The following GRM5 variants were observed in gnomAD, a reference collection of about 807,000 sequenced individuals.
GRM5 encodes the protein glutamate metabotropic receptor 5, also known as metabotropic glutamate receptor 5.
GRM5 carries 19 observed loss-of-function variants against 83.1 expected under a neutral mutation model. That is an observed-to-expected ratio of 0.23 (90% CI 0.16 to 0.34). GRM5 has a LOEUF of 0.34. Among genes scored for constraint, GRM5 ranks in the 10% least tolerant of loss-of-function variants. GRM5 has a pLI of 1.00. For missense variants in GRM5, 1,160 were observed against 1,588.3 expected (o/e 0.73, Z 4.58); for synonymous variants, 675 against 633.6 (o/e 1.07, Z -0.98).
intron 3 of GRM5, among the ~76,000 whole-genome samples, chr11:88,826,011 A>G (rs190468081): frequency 6.6e-6 from 1 of 152,268 alleles, no homozygotes; most frequent in Non-Finnish European, 1.5e-5. Flanking sequence ...ATTTTTATAT[A>G]AAAGAAAATG....
chr11:88,966,139 T>C (rs765127356), intron 2 of GRM5, among the ~76,000 whole-genome samples: 1 of 152,074 alleles, frequency 6.6e-6, no homozygotes, highest in African/African-American at 2.4e-5. Context: ...AACACATTTC[T>C]AAGTAACACA....
intron 2 of GRM5, among the ~76,000 whole-genome samples, chr11:89,039,822 A>C (rs1941486001): frequency 6.6e-6 from 1 of 152,078 alleles, no homozygotes; most frequent in Non-Finnish European, 1.5e-5. Context: ...GTTGCATTTG[A>C]TATTGGTCTT....
intron 2 of GRM5, among the ~76,000 whole-genome samples, chr11:89,034,373 G>A (rs1027492209): frequency 4.0e-5 from 6 of 151,732 alleles, no homozygotes; most frequent in East Asian, 1.9e-4. Context: ...ACAAAAACAC[G>A]ACACAATTTT....
intron 4 of GRM5, among the ~76,000 whole-genome samples, chr11:88,627,507 T>C (rs916664137): frequency 1.3e-5 from 2 of 152,190 alleles, no homozygotes; most frequent in East Asian, 3.8e-4. Context: ...TACCACTGCA[T>C]GTCATTAAGA....
intron 3 of GRM5, among the ~76,000 whole-genome samples, chr11:88,720,910 G>T (rs890823518): frequency 1.3e-5 from 2 of 151,122 alleles, no homozygotes; most frequent in Non-Finnish European, 2.9e-5. Context: ...AATCCAGTAA[G>T]GTTCACAATA....
chr11:88,945,037 C>T (rs1263365063), intron 2 of GRM5, among the ~76,000 whole-genome samples: 2 of 151,490 alleles, frequency 1.3e-5, no homozygotes, highest in Non-Finnish European at 3.0e-5. Flanking sequence ...AATCACTGTA[C>T]AAAAATCAGG....
At chr11:88,870,462 G>C (rs1944745288) in intron 2 of GRM5, among the ~76,000 whole-genome samples, 2 of 148,880 alleles carry the variant, frequency 1.3e-5, no homozygotes, top group South Asian at 4.2e-4. Flanking sequence ...AACTTTAATA[G>C]GTCACAGACA....
intron 3 of GRM5, among the ~76,000 whole-genome samples, chr11:88,847,421 ATTT>A (rs1259992324): frequency 6.6e-6 from 1 of 152,236 alleles, no homozygotes; most frequent in Non-Finnish European, 1.5e-5. Context: ...GGCACAAAGT[ATTT>A]GATAAATGGT....
chr11:88,943,925 TTC>T (rs1938193170), intron 2 of GRM5, among the ~76,000 whole-genome samples: 1 of 152,018 alleles, frequency 6.6e-6, no homozygotes, highest in Non-Finnish European at 1.5e-5. Context: ...TCAGTTTTGT[TTC>T]TCTTTTCTGA....
intron 3 of GRM5, among the ~76,000 whole-genome samples, chr11:88,824,383 G>A (rs1438195300): frequency 6.6e-6 from 1 of 152,072 alleles, no homozygotes; most frequent in East Asian, 1.9e-4. Context: ...ATCGCTATAT[G>A]AATTGCTCTC....
intron 3 of GRM5, among the ~76,000 whole-genome samples, chr11:88,690,489 A>G (rs1289182919): frequency 6.6e-6 from 1 of 152,030 alleles, no homozygotes; most frequent in African/African-American, 2.4e-5. Flanking sequence ...TTATTTTTTA[A>G]AAAAAAATGA....
chr11:88,775,180 C>A (rs946987557), intron 3 of GRM5, among the ~76,000 whole-genome samples: 4 of 151,994 alleles, frequency 2.6e-5, no homozygotes, highest in African/African-American at 4.8e-5. Flanking sequence ...AGCGTGTATG[C>A]GTCCAGGAAT....
At chr11:88,751,129 T>C (rs74739885) in intron 3 of GRM5, among the ~76,000 whole-genome samples, 1 of 76,998 alleles carries the variant, frequency 1.3e-5, no homozygotes, top group East Asian at 3.4e-4. Flanking sequence ...ATAAAGGAAA[T>C]AGAGACATGC....
chr11:88,713,003 G>A (rs1941315287), intron 3 of GRM5, among the ~76,000 whole-genome samples: 1 of 151,908 alleles, frequency 6.6e-6, no homozygotes. Context: ...AGTGTAGGTA[G>A]GCTCCAGTTT....
chr11:88,778,028 G>A (rs1371999515), intron 3 of GRM5, among the ~76,000 whole-genome samples: 3 of 95,788 alleles, frequency 3.1e-5, no homozygotes, highest in Non-Finnish European at 9.5e-5. Flanking sequence ...GAAATTGTCT[G>A]CTGCCTTTTG....
At chr11:88,581,863 T>C (rs1483595958) in intron 7 of GRM5, among the ~76,000 whole-genome samples, 1 of 152,228 alleles carries the variant, frequency 6.6e-6, no homozygotes, top group Non-Finnish European at 1.5e-5. Flanking sequence ...ATATGACATG[T>C]ATCATTCCTT....
intron 1 of GRM5, among the ~76,000 whole-genome samples, chr11:89,061,347 C>A (rs1014306270): frequency 1.3e-5 from 2 of 152,022 alleles, no homozygotes; most frequent in African/African-American, 2.4e-5. Flanking sequence ...CTTGTAGTAC[C>A]ACCTACATTT....
rs115714585 is a variant in GRM5 at position 88,891,151 on chromosome 11, T to C, written c.662-40996A>G. ...GTAAGGATTTCATCTCATGGTCAAA[T>C]TGGTTAAGATTAGATGGAATTGTCT... On this transcript the variant is annotated intron_variant, in intron 2 of 9. Transcript: ENST00000305447. Among the ~76,000 whole-genome samples the C allele has an allele frequency of 4.1e-3, 617 of 152,196 alleles. 2 individuals carry two copies. The highest frequency in any genetic ancestry group is 0.014 in the African/African-American group (582 of 41,556).
chr11:88,636,491 A>C (rs1028005214), intron 4 of GRM5, among the ~76,000 whole-genome samples: 3 of 152,104 alleles, frequency 2.0e-5, no homozygotes, highest in African/African-American at 7.2e-5. Flanking sequence ...GTGCCACTGC[A>C]CTACAGCCTG....
Sources: allele counts gnomAD v4.1 joint callset (sites outside exome capture counted in the v4.1 genomes callset), GRCh38; gene constraint gnomAD v4.1.1; transcripts MANE v1.5; gene names NCBI Gene and HGNC (gene_info 2026-07-23, HGNC 2026-07-21).